The following CSF2RA variants were observed in gnomAD, a reference collection of about 807,000 sequenced individuals.
CSF2RA encodes granulocyte-macrophage colony-stimulating factor receptor subunit alpha.
Under a neutral mutation model 51.6 loss-of-function variants are expected in CSF2RA, and 42 were observed. That is an observed-to-expected ratio of 0.81 (90% CI 0.64 to 1.05). CSF2RA has a LOEUF of 1.05. Ranked by LOEUF, CSF2RA falls within the 50% of genes least tolerant of loss-of-function variation. The pLI, the probability that CSF2RA is intolerant of heterozygous loss-of-function variation, is 0.00. For missense variants in CSF2RA, 530 were observed against 501.1 expected (o/e 1.06, Z -0.55); for synonymous variants, 222 against 193.0 (o/e 1.15, Z -1.24).
chrX:1,317,549 C>G, the CSF2RA span, among the ~76,000 whole-genome samples: 3 of 146,084 alleles, frequency 2.1e-5, no homozygotes, highest in Non-Finnish European at 4.5e-5. Context: ...CCACGCCCAG[C>G]TTTTTTTATT....
At chrX:1,302,840 T>C (rs778623274) in intron 10 of CSF2RA, 20 of 283,190 alleles carry the variant, frequency 7.1e-5, no homozygotes, top group African/African-American at 4.2e-4. Context: ...ATTACAGACA[T>C]GCATCATGCT....
chrX:1,300,955 A>G (rs28576982), intron 10 of CSF2RA, among the ~76,000 whole-genome samples: 64,211 of 151,474 alleles, frequency 0.42, 13,722 homozygotes, highest in Admixed American at 0.44. Flanking sequence ...GGAGTTTGAG[A>G]CCAGCCTGGC....
downstream of CSF2RA, among the ~76,000 whole-genome samples, chrX:1,310,540 C>T (rs1237258366): frequency 1.3e-5 from 2 of 151,164 alleles, no homozygotes; most frequent in Non-Finnish European, 1.5e-5. Flanking sequence ...TGGTAGCGGG[C>T]GCCTGTAGTC....
At chrX:1,272,955 A>G (rs2088646847) in intron 1 of CSF2RA, among the ~76,000 whole-genome samples, 2 of 151,098 alleles carry the variant, frequency 1.3e-5, no homozygotes, top group Admixed American at 1.3e-4. Context: ...AGTAGCTGAG[A>G]TTACAGGCAC....
chrX:1,304,018 A>G lies in CSF2RA; in HGVS notation c.1042A>G (p.Arg348Gly). 6.2e-7 allele frequency: 1 copy of G among 1,612,092 alleles called. No homozygotes were observed. The highest frequency in any genetic ancestry group is 8.5e-7 in the Non-Finnish European group (1 of 1,179,338). ...CATCGTCCTCGGCTTCCTCTTTAAA[A>G]GGTAACCTGTGAAACACCTGGGCCT... ...CGIVLGFLFK[R>G]FLRIQRLFPP... is the part of the protein sequence containing the mutation. Residue 348 changes from arginine (R) to glycine (G), a missense_variant and splice_region_variant, in exon 11 of 13, where the codon AGG becomes GGG. Transcript: ENST00000381529.
chrX:1,311,384 T>C (rs1225451902), downstream of CSF2RA, among the ~76,000 whole-genome samples: 1 of 151,604 alleles, frequency 6.6e-6, no homozygotes, highest in African/African-American at 2.4e-5. Context: ...CAGCAGCAGA[T>C]GCTGAAGGCA....
rs28460440 is a variant in CSF2RA, at chrX:1,303,975, G to A, written c.999G>A (p.Val333=). Residue 333 remains valine, a synonymous_variant, in exon 11 of 13, where the codon GTG becomes GTA. Coordinates refer to ENST00000381529, the MANE Select transcript of CSF2RA (RefSeq NM_172245.4). ...TGTACATTTATGTGCTCCTAATCGT[G>A]GGAACCCTTGTCTGTGGCATCGTCC... ...GSVYIYVLLI[V]GTLVCGIVLG... is the part of the protein sequence containing the mutation. 0.4 allele frequency: 643,619 copies of A among 1,611,098 alleles called. 130,600 individuals carry two copies. Among genetic ancestry groups the A allele is most frequent in the Non-Finnish European group, 0.42 (494,353 of 1,178,612 alleles).
the CSF2RA span, among the ~76,000 whole-genome samples, chrX:1,315,806 GA>G: frequency 1.2e-5 from 1 of 81,420 alleles, no homozygotes; most frequent in African/African-American, 3.6e-5. Flanking sequence ...TAGATAGATA[GA>G]TAGATAGATA....
chrX:1,269,699 T>G (rs1406944393), intron 1 of CSF2RA, among the ~76,000 whole-genome samples: 1 of 151,532 alleles, frequency 6.6e-6, no homozygotes, highest in African/African-American at 2.4e-5. Context: ...TGTGATGGTG[T>G]TACTAGTTAC....
chrX:1,275,523 G>C (rs1350364980), intron 2 of CSF2RA, among the ~76,000 whole-genome samples: 1 of 151,826 alleles, frequency 6.6e-6, no homozygotes, highest in Admixed American at 6.6e-5. Context: ...GGTTTTATAT[G>C]TTTTTGTTTG....
At chrX:1,315,758 G>A in the CSF2RA span, among the ~76,000 whole-genome samples, 3 of 148,090 alleles carry the variant, frequency 2.0e-5, no homozygotes. Flanking sequence ...ATAGAAAATA[G>A]ATAAAATAGA....
intron 7 of CSF2RA, among the ~76,000 whole-genome samples, chrX:1,293,289 G>T (rs1205251494): frequency 6.6e-6 from 1 of 152,096 alleles, no homozygotes; most frequent in Non-Finnish European, 1.5e-5. Context: ...CGGGATCTCG[G>T]CTCACTGCAA....
chrX:1,320,835 GT>G, the CSF2RA span, among the ~76,000 whole-genome samples: 853 of 148,294 alleles, frequency 5.8e-3, 8 homozygotes, highest in African/African-American at 0.02. Context: ...TATGATCTCT[GT>G]TTTTTTTTGT....
downstream of CSF2RA, among the ~76,000 whole-genome samples, chrX:1,314,968 CTG>C (rs1569515163): frequency 3.0e-4 from 34 of 112,898 alleles, 3 homozygotes; most frequent in African/African-American, 1.1e-3. Context: ...CCCAACCCCA[CTG>C]TGCCTGCCCA....
chrX:1,301,045 C>T (rs369117505), intron 10 of CSF2RA, among the ~76,000 whole-genome samples: 36 of 151,224 alleles, frequency 2.4e-4, no homozygotes, highest in African/African-American at 4.6e-4. Context: ...CCCAGCTACT[C>T]GGGAGGCTGA....
At chrX:1,279,625 G>A (rs2089633455) in intron 2 of CSF2RA, among the ~76,000 whole-genome samples, 2 of 151,992 alleles carry the variant, frequency 1.3e-5, no homozygotes, top group Admixed American at 6.6e-5. Flanking sequence ...CCACAGTCCA[G>A]TGGGGGAAGC....
chrX:1,325,169 G>C, the CSF2RA span, among the ~76,000 whole-genome samples: 1 of 150,148 alleles, frequency 6.7e-6, no homozygotes, highest in Non-Finnish European at 1.5e-5. Context: ...GACCAGCCTG[G>C]CCAACGTGTT....
At chrX:1,306,013 C>T (rs1463899225) in intron 12 of CSF2RA, 36 of 514,896 alleles carry the variant, frequency 7.0e-5, no homozygotes, top group Non-Finnish European at 8.8e-5. Flanking sequence ...ACCCAGGGGG[C>T]GGAGGTTGCA....
At chrX:1,272,858 G>A (rs1233086823) in intron 1 of CSF2RA, among the ~76,000 whole-genome samples, 7 of 134,316 alleles carry the variant, frequency 5.2e-5, no homozygotes, top group Admixed American at 8.6e-5. Flanking sequence ...TAACTTTGTC[G>A]CCCAGACTGG....
Sources: gnomAD v4.1 joint callset for allele counts (sites outside exome capture counted in the v4.1 genomes callset) on GRCh38, gnomAD v4.1.1 for gene constraint, MANE v1.5 for transcripts, NCBI Gene and HGNC (gene_info 2026-07-23, HGNC 2026-07-21) for gene names.